The following PROSER1 variants were observed in gnomAD, a reference collection of about 807,000 sequenced individuals.
PROSER1 encodes proline and serine-rich protein 1.
Under a neutral mutation model 71.8 loss-of-function variants are expected in PROSER1, and 36 were observed. The observed-to-expected ratio is 0.50, with a 90% confidence interval of 0.38 to 0.66. The LOEUF is 0.66. PROSER1 is among the 30% of genes least tolerant of loss of function. The pLI is 0.00. For synonymous variants in PROSER1, 490 were observed against 452.4 expected (o/e 1.08, Z -1.06); for missense variants, 1,107 against 1,135.0 (o/e 0.98, Z 0.35).
intron 8 of PROSER1, chr13:39,022,842 T>G: frequency 4.4e-6 from 2 of 455,098 alleles, no homozygotes; most frequent in Non-Finnish European, 7.8e-6. Flanking sequence ...ATAATCTAAT[T>G]AATTTATCAT....
chr13:39,028,360 T>C (rs1870647108), intron 4 of PROSER1, 40 bp from the exon 5 acceptor site: 1 of 1,214,818 alleles, frequency 8.2e-7, no homozygotes, highest in Non-Finnish European at 1.2e-6. Context: ...TTTAAAAATC[T>C]GAACATACAT....
Position 39,029,233 on chromosome 13 carries a change from C to T in PROSER1, c.275+48G>A, listed in dbSNP as rs1182439756. ...TAATTAGACACTTAAAACGCTTCTA[C>T]ATTTTTTCCCAAGTAAAAAAAAAAA... On this transcript the variant is annotated intron_variant, in intron 4 of 12. Transcript: ENST00000352251. 18 of 1,011,336 alleles carry T rather than the reference C, an allele frequency of 1.8e-5. No homozygotes were observed. The East Asian group carries it at 5.2e-4, about 29-fold the overall frequency. The allele number at this position is 1,011,336 out of a possible 1,614,324, so 62.6% of individuals were successfully genotyped here.
Position 39,013,718 on chromosome 13 carries a change from C to T in PROSER1, c.1534G>A (p.Ala512Thr). 6.2e-7 allele frequency: 1 copy of T among 1,614,148 alleles called. No homozygotes were observed. Among genetic ancestry groups the T allele is most frequent in the Middle Eastern group, 1.6e-4 (1 of 6,062 alleles). Reference sequence around the variant, plus strand: ...GCATAGCACTTGTTAGGGGCTGAAGCAGAAGAGTCAGAGTTCTGAAGAGTA... The same window carrying T: ...GCATAGCACTTGTTAGGGGCTGAAGTAGAAGAGTCAGAGTTCTGAAGAGTA... ...SLTLQNSDSS[A>T]SAPNKCYAPS... The change falls in exon 11 of 13, where the codon GCT (alanine) becomes ACT (threonine). Residue 512 changes from alanine to threonine, a missense_variant. Ala to Thr is a moderately conservative substitution (Grantham distance 58). Transcript: ENST00000352251.
chr13:39,011,995 G>A, intron 12 of PROSER1, 88 bp downstream of exon 12: 1 of 1,338,262 alleles, frequency 7.5e-7, no homozygotes, highest in Non-Finnish European at 1.0e-6. Flanking sequence ...GCCAATGTTG[G>A]GATATCGCAA....
At position 39,037,400 on chromosome 13, in the gene PROSER1, C is replaced by T. The variant is rs1206442057; in HGVS notation, c.-158G>A. ...GCGAAGAGGTAGAGAGTATTGCAAA[C>T]TTCGCAAAAAAAATTTCTAAAAATT... On this transcript the variant is annotated 5_prime_UTR_variant, in exon 1 of 13. Transcript: ENST00000352251. The T allele has an allele frequency of 1.2e-5, 7 of 600,438 alleles. No homozygotes were observed. Among genetic ancestry groups the T allele is most frequent in the Non-Finnish European group, 2.1e-5 (7 of 334,490 alleles). The allele number at this position is 600,438 out of a possible 1,614,324, so 37.2% of individuals were successfully genotyped here.
chr13:39,016,046 A>T (rs1183745360), intron 10 of PROSER1, among the ~76,000 whole-genome samples: 1 of 152,204 alleles, frequency 6.6e-6, no homozygotes, highest in Non-Finnish European at 1.5e-5. Context: ...TGAAGGTAAA[A>T]CCAAGCTATC....
intron 6 of PROSER1, among the ~76,000 whole-genome samples, chr13:39,025,990 T>A (rs1049574609): frequency 1.3e-5 from 2 of 152,202 alleles, no homozygotes. Flanking sequence ...ACTGAGATTG[T>A]AAGAATACTG....
rs202166441 is a variant in PROSER1 at position 39,028,241 on chromosome 13, T to A, written c.355A>T (p.Arg119Ter). The A allele has an allele frequency of 3.2e-6, 5 of 1,572,908 alleles. No individual in the cohort carries two copies. Among genetic ancestry groups the A allele is most frequent in the Non-Finnish European group, 4.4e-6 (5 of 1,143,474 alleles). Residue 119 changes from arginine to a stop codon, truncating the protein, a stop_gained, in exon 5 of 13, where the codon AGA becomes TGA. Transcript: ENST00000352251. LOFTEE classifies it high-confidence loss of function. ...VNMSEKKRCK[R>*]ILEQAFKGGC... ...TAGAAAACTACCTGTTCAAGTATTC[T>A]CTTGCACCGTTTCTTCTCAGACATA...
chr13:39,022,049 T>A (rs1357503347), intron 9 of PROSER1, among the ~76,000 whole-genome samples: 2 of 152,216 alleles, frequency 1.3e-5, no homozygotes, highest in Non-Finnish European at 2.9e-5. Context: ...CACCTCTGTA[T>A]CCACAGCACA....
At chr13:39,022,470 T>C in intron 8 of PROSER1, 58 bp from the exon 9 acceptor site, 1 of 1,170,268 alleles carries the variant, frequency 8.5e-7, no homozygotes, top group Non-Finnish European at 1.3e-6. Flanking sequence ...TGACTGGTAT[T>C]GTTCTGTGAC....
At chr13:39,016,295 ACT>A (rs1217742950) in intron 10 of PROSER1, among the ~76,000 whole-genome samples, 3 of 152,288 alleles carry the variant, frequency 2.0e-5, no homozygotes, top group East Asian at 3.9e-4. Context: ...CCTCACAATA[ACT>A]CTCTGAGATA....
At position 39,010,195 on chromosome 13, in the gene PROSER1, C is replaced by G. The variant is rs1164042700; in HGVS notation, c.*1170G>C. On this transcript the variant is annotated 3_prime_UTR_variant, in exon 13 of 13. Transcript: ENST00000352251. ...TTTTAAAAAACTGTTAAAAACTAAC[C>G]ATACAGGTTTATTAATATACTTAAA... The G allele has an allele frequency of 2.0e-5, 3 of 152,494 alleles. No homozygotes were observed. Among genetic ancestry groups the G allele is most frequent in the African/African-American group, 7.2e-5 (3 of 41,406 alleles). 9.4% of individuals were successfully genotyped at this position (152,494 alleles called of 1,614,324 possible).
chr13:39,030,564 G>A (rs1870789720), intron 3 of PROSER1, among the ~76,000 whole-genome samples: 3 of 152,052 alleles, frequency 2.0e-5, no homozygotes, highest in African/African-American at 7.2e-5. Context: ...TAGGACTAAA[G>A]GAGCATACCA....
Position 39,014,429 on chromosome 13 carries a change from G to A in PROSER1, c.823C>T (p.Pro275Ser). 2 of 1,613,946 alleles carry A rather than the reference G, an allele frequency of 1.2e-6. No homozygotes were observed. The highest frequency in any genetic ancestry group is 1.7e-6 in the Non-Finnish European group (2 of 1,179,886). Residue 275 changes from proline to serine, a missense_variant, in exon 11 of 13, where the codon CCT becomes TCT. Physicochemically the swap from Pro to Ser is moderately conservative, Grantham distance 74. Transcript: ENST00000352251. ...ACAGGAGTTGCAGCAGGTGTTGAAG[G>A]ATTAGAACCATGAGGAGAAAAGAGT... ...SQLFSPHGSN[P>S]STPAATPVPT...
In PROSER1 at chr13:39,028,988, G is replaced by C. The variant is rs554579179; in HGVS notation, c.275+293C>G. On this transcript the variant is annotated intron_variant, in intron 4 of 12. Coordinates refer to ENST00000352251, the MANE Select transcript of PROSER1 (RefSeq NM_025138.5). ...AAAAAAAATTATTGTGTCAGTAAGTGAAAGAATCTCTAATTCTTAAATTCC... is the reference window on the plus strand; with the variant it reads ...AAAAAAAATTATTGTGTCAGTAAGTCAAAGAATCTCTAATTCTTAAATTCC... 1.4e-4 allele frequency: 30 copies of C among 214,392 alleles called. 1 individual carries two copies. In the South Asian group the frequency reaches 5.0e-3, roughly 36 times the overall value. 13.3% of individuals were successfully genotyped at this position (214,392 alleles called of 1,614,324 possible).
In PROSER1 at chr13:39,013,760, C is replaced by T. The variant is rs1376440546; in HGVS notation, c.1492G>A (p.Ala498Thr). 2 of 1,614,020 alleles carry T rather than the reference C, an allele frequency of 1.2e-6. No individual in the cohort carries two copies. The highest frequency in any genetic ancestry group is 1.7e-6 in the Non-Finnish European group (2 of 1,180,028). Reference sequence around the variant, plus strand: ...TGAAGAGTAAGAGAAGATAGTGAAGCCAGCCCACTTGTGACAGCAGAGGAT... The same window carrying T: ...TGAAGAGTAAGAGAAGATAGTGAAGTCAGCCCACTTGTGACAGCAGAGGAT... The part of the protein sequence containing the change: ...ALSSAVTSGL[A>T]SLSSLTLQNS... The change falls in exon 11 of 13, where the codon GCT (alanine) becomes ACT (threonine). Residue 498 changes from alanine to threonine, a missense_variant. Transcript: ENST00000352251.
intron 2 of PROSER1, 195 bp from the exon 3 acceptor site, chr13:39,031,826 A>C: frequency 1.9e-6 from 1 of 525,754 alleles, no homozygotes; most frequent in South Asian, 3.2e-5. Flanking sequence ...AGTCAAATAA[A>C]ATGTAAAAAT....
In PROSER1 at chr13:39,014,130, A is replaced by T; in HGVS notation, c.1122T>A (p.Thr374=). ...GLVSLPGPSA[T]PTAATPTPGP... ...CTGGGGTAGGAGTGGCTGCGGTAGG[A>T]GTGGCAGAAGGACCTGGCAGTGACA... Residue 374 remains threonine (T), a synonymous_variant, in exon 11 of 13, where the codon ACT becomes ACA. Transcript: ENST00000352251. 1 of 1,614,118 alleles carries T rather than the reference A, an allele frequency of 6.2e-7. No homozygotes were observed.
At chr13:39,033,163 G>A (rs1426143883) in intron 2 of PROSER1, among the ~76,000 whole-genome samples, 5 of 152,098 alleles carry the variant, frequency 3.3e-5, no homozygotes, top group East Asian at 1.9e-4. Context: ...CAAGTGATCC[G>A]CCTGCCTTGG....
Sources: gnomAD v4.1 joint callset for allele counts (sites outside exome capture counted in the v4.1 genomes callset) on GRCh38, gnomAD v4.1.1 for gene constraint, MANE v1.5 for transcripts, NCBI Gene and HGNC (gene_info 2026-07-23, HGNC 2026-07-21) for gene names.